The following CD1B variants were observed in gnomAD, a reference collection of about 807,000 sequenced individuals.
The protein encoded by CD1B is T-cell surface glycoprotein CD1b.
CD1B carries 43 observed loss-of-function variants against 39.8 expected under a neutral mutation model. The ratio of observed to expected loss-of-function variants is 1.08; its 90% CI spans 0.85 to 1.39. The LOEUF (loss-of-function observed/expected upper bound fraction) is 1.39. Among genes scored for constraint, CD1B ranks in the 40% most tolerant of loss-of-function variants. The probability of loss-of-function intolerance (pLI) is 0.00; values close to 1 mark genes in which losing one functional copy is unlikely to be tolerated. For missense variants in CD1B, 495 were observed against 403.8 expected, an observed-to-expected ratio of 1.23 and a Z score of -1.94; for synonymous variants, 192 against 152.5, an observed-to-expected ratio of 1.26 and a Z score of -1.91.
chr1:158,330,149 GA>G lies in CD1B; in HGVS notation c.329-20del. Reference sequence around the variant, plus strand: ...AAGGGGTCTATGTAGAGGGAAAAGAGAGCAAGTTATTAAACACAAATAAGAA... The same window carrying G: ...AAGGGGTCTATGTAGAGGGAAAAGAGGCAAGTTATTAAACACAAATAAGAA... On this transcript the variant is annotated intron_variant, in intron 2 of 5. Coordinates refer to ENST00000368168, the MANE Select transcript of CD1B (RefSeq NM_001764.3). 1 of 1,567,806 alleles carries G rather than the reference GA, an allele frequency of 6.4e-7. No individual in the cohort carries two copies. The highest frequency in any genetic ancestry group is 1.2e-5 in the South Asian group (1 of 84,230).
At chr1:158,301,991 A>G in the CD1B span, among the ~76,000 whole-genome samples, 3 of 152,104 alleles carry the variant, frequency 2.0e-5, no homozygotes, top group African/African-American at 7.2e-5. Context: ...TTCTGCATCA[A>G]TCAAGCTGGT....
chr1:158,327,489 GA>G (rs577061665), downstream of CD1B, among the ~76,000 whole-genome samples: 39 of 150,156 alleles, frequency 2.6e-4, no homozygotes, highest in African/African-American at 6.8e-4. Flanking sequence ...CAACTAAAAA[GA>G]AAAAAAAATG....
At chr1:158,319,715 T>C in the CD1B span, among the ~76,000 whole-genome samples, 1 of 152,252 alleles carries the variant, frequency 6.6e-6, no homozygotes, top group African/African-American at 2.4e-5. Context: ...AGGAACTGCG[T>C]TCCTTTGGAG....
chr1:158,322,060 C>A, the CD1B span, among the ~76,000 whole-genome samples: 3 of 152,174 alleles, frequency 2.0e-5, no homozygotes, highest in African/African-American at 7.2e-5. Context: ...CTCCTTTCTT[C>A]TCAAGTATTT....
chr1:158,311,209 T>C, the CD1B span, among the ~76,000 whole-genome samples: 1 of 152,314 alleles, frequency 6.6e-6, no homozygotes, highest in East Asian at 1.9e-4. Context: ...AGTTACCTGC[T>C]TAGACTAATT....
chr1:158,306,030 GC>G, the CD1B span, among the ~76,000 whole-genome samples: 1 of 152,132 alleles, frequency 6.6e-6, no homozygotes, highest in Non-Finnish European at 1.5e-5. Flanking sequence ...CAACTAATGA[GC>G]AAAATAACCA....
the CD1B span, among the ~76,000 whole-genome samples, chr1:158,288,159 G>C: frequency 1.3e-5 from 2 of 152,182 alleles, no homozygotes; most frequent in Non-Finnish European, 2.9e-5. Flanking sequence ...ATAACACCTA[G>C]TGCTTATGAA....
chr1:158,318,805 T>A, the CD1B span, among the ~76,000 whole-genome samples: 1 of 152,230 alleles, frequency 6.6e-6, no homozygotes, highest in African/African-American at 2.4e-5. Flanking sequence ...CTTGTACCGG[T>A]TGTTCCTTTC....
At chr1:158,321,080 T>C in the CD1B span, among the ~76,000 whole-genome samples, 7 of 152,334 alleles carry the variant, frequency 4.6e-5, no homozygotes, top group East Asian at 1.4e-3. Flanking sequence ...CTGGATTATC[T>C]GTTTATCACT....
the CD1B span, among the ~76,000 whole-genome samples, chr1:158,299,497 T>A: frequency 6.6e-6 from 1 of 151,700 alleles, no homozygotes; most frequent in African/African-American, 2.4e-5. Context: ...TATGCTGGCC[T>A]CAAAAAATGA....
chr1:158,323,283 C>G (rs370820058), downstream of CD1B, among the ~76,000 whole-genome samples: 2 of 151,068 alleles, frequency 1.3e-5, no homozygotes, highest in African/African-American at 4.9e-5. Flanking sequence ...TGTTAATGCT[C>G]GTATTGCATT....
intron 3 of CD1B, 68 bp from the exon 4 acceptor site, chr1:158,329,716 C>T: frequency 6.3e-7 from 1 of 1,580,646 alleles, no homozygotes; most frequent in Non-Finnish European, 8.6e-7. Context: ...AACTCAGAAA[C>T]CTACAAGCTT....
the CD1B span, among the ~76,000 whole-genome samples, chr1:158,318,411 T>C: frequency 7.9e-5 from 12 of 152,334 alleles, no homozygotes; most frequent in South Asian, 2.1e-3. Context: ...CCTTTACCAT[T>C]CTGTAATGGT....
the CD1B span, among the ~76,000 whole-genome samples, chr1:158,313,905 T>A: frequency 6.6e-6 from 1 of 152,150 alleles, no homozygotes; most frequent in Non-Finnish European, 1.5e-5. Flanking sequence ...GTTGTATGAG[T>A]CCAGGCATTT....
chr1:158,301,091 A>G, the CD1B span, among the ~76,000 whole-genome samples: 1 of 151,652 alleles, frequency 6.6e-6, no homozygotes, highest in Non-Finnish European at 1.5e-5. Context: ...AGTCTGTTTT[A>G]TCAGAGACTG....
the CD1B span, among the ~76,000 whole-genome samples, chr1:158,309,423 C>A: frequency 3.3e-5 from 5 of 152,110 alleles, no homozygotes; most frequent in Non-Finnish European, 7.3e-5. Context: ...GTCAGTGTGG[C>A]GATTCCTCAG....
At chr1:158,288,544 AC>A in the CD1B span, among the ~76,000 whole-genome samples, 1 of 152,120 alleles carries the variant, frequency 6.6e-6, no homozygotes, top group Admixed American at 6.6e-5. Flanking sequence ...GGCATGTGCC[AC>A]CACATTTGGC....
chr1:158,316,508 G>T, the CD1B span, among the ~76,000 whole-genome samples: 1 of 151,998 alleles, frequency 6.6e-6, no homozygotes, highest in African/African-American at 2.4e-5. Context: ...CATTGATTTT[G>T]TATCCTGAGA....
At chr1:158,309,863 G>A in the CD1B span, among the ~76,000 whole-genome samples, 1 of 151,906 alleles carries the variant, frequency 6.6e-6, no homozygotes, top group African/African-American at 2.4e-5. Flanking sequence ...GATAGCATTA[G>A]GAGATATACC....
Sources: allele counts gnomAD v4.1 joint callset (sites outside exome capture counted in the v4.1 genomes callset), GRCh38; gene constraint gnomAD v4.1.1; transcripts MANE v1.5; gene names NCBI Gene and HGNC (gene_info 2026-07-23, HGNC 2026-07-21).